The following RASGRF2 variants were observed in gnomAD, a reference collection of about 807,000 sequenced individuals.
The protein encoded by RASGRF2 is ras-specific guanine nucleotide-releasing factor 2.
In RASGRF2, 76 loss-of-function variants were observed where a neutral mutation model predicts 151.0. The observed-to-expected ratio is 0.50, with a 90% confidence interval of 0.42 to 0.61. RASGRF2 has a LOEUF of 0.61. Among genes scored for constraint, RASGRF2 ranks in the 20% least tolerant of loss-of-function variants. The pLI, the probability that RASGRF2 is intolerant of heterozygous loss-of-function variation, is 0.00. For missense variants in RASGRF2, 1,148 were observed against 1,564.6 expected, an observed-to-expected ratio of 0.73 and a Z score of 4.49; for synonymous variants, 504 against 566.5, an observed-to-expected ratio of 0.89 and a Z score of 1.57.
chr5:81,108,834 CTGTG>C (rs10606038), intron 12 of RASGRF2, among the ~76,000 whole-genome samples, 158 bp from the exon 13 acceptor site: 42,275 of 139,234 alleles, frequency 0.3, 5,915 homozygotes, highest in East Asian at 0.51. Flanking sequence ...TTTACCTACT[CTGTG>C]TGTGTGTGTG....
Position 81,113,703 on chromosome 5 carries a change from G to A in RASGRF2, c.2253G>A (p.Leu751=), listed in dbSNP as rs1288386368. 1 of 1,613,550 alleles carries A rather than the reference G, an allele frequency of 6.2e-7. No individual in the cohort carries two copies. The highest frequency in any genetic ancestry group is 2.2e-5 in the East Asian group (1 of 44,872). ...GAAAGCTGTCTTTGACTTCTCCCTT[G>A]AACTCAAAGATAGGAGCATTGGACC... ...RARKLSLTSP[L]NSKIGALDLT... Residue 751 remains leucine (L), a synonymous_variant, in exon 15 of 27, where the codon TTG becomes TTA. Coordinates refer to ENST00000265080, the MANE Select transcript of RASGRF2 (RefSeq NM_006909.3).
At position 81,034,676 on chromosome 5, in the gene RASGRF2, A is replaced by G. The variant is rs1031291421; in HGVS notation, c.289-8201A>G. On this transcript the variant is annotated intron_variant, in intron 1 of 26. Coordinates refer to ENST00000265080, the MANE Select transcript of RASGRF2 (RefSeq NM_006909.3). ...GACATGGATGAAATTGGAAATCATCATTCTCAGTAAACTATCGCAAGAACA... is the reference window on the plus strand; with the variant it reads ...GACATGGATGAAATTGGAAATCATCGTTCTCAGTAAACTATCGCAAGAACA... Among the ~76,000 whole-genome samples the G allele has an allele frequency of 4.0e-5, 6 of 151,562 alleles. No homozygotes were observed. The East Asian group carries it at 7.7e-4, about 19-fold the overall frequency.
In RASGRF2 at chr5:81,102,559, G is replaced by A. The variant is rs185753750; in HGVS notation, c.1756-6437G>A. On this transcript the variant is annotated intron_variant, in intron 12 of 26. Coordinates refer to ENST00000265080, the MANE Select transcript of RASGRF2 (RefSeq NM_006909.3). ...AATGTATGAAAATTAGCCAGGCGTG[G>A]CGGCACATGCCTGTAGTCCCAGCTA... Among the ~76,000 whole-genome samples, 672 of 152,170 alleles carry A rather than the reference G, an allele frequency of 4.4e-3. 12 individuals carry two copies. Among genetic ancestry groups the A allele is most frequent in the Admixed American group, 0.037 (564 of 15,278 alleles).
chr5:80,996,503 TCCTCCTCCTCCTCCTCCC>T (rs1374461750), intron 1 of RASGRF2, among the ~76,000 whole-genome samples: 221 of 39,568 alleles, frequency 5.6e-3, no homozygotes, highest in Middle Eastern at 0.018. Context: ...TTCTTCTTCT[TCCTCCTCCTCCTCCTCCC>T]CCTCCTCCTC....
chr5:81,089,739 T>C (rs1396785713), intron 9 of RASGRF2, among the ~76,000 whole-genome samples: 1 of 152,218 alleles, frequency 6.6e-6, no homozygotes, highest in African/African-American at 2.4e-5. Flanking sequence ...GGCAATTTAC[T>C]TAACTTCTCT....
At chr5:81,097,256 C>T (rs1043290058) in intron 12 of RASGRF2, among the ~76,000 whole-genome samples, 5 of 152,136 alleles carry the variant, frequency 3.3e-5, no homozygotes, top group African/African-American at 1.2e-4. Context: ...CCACTGCACT[C>T]GGCCAAGTTA....
At chr5:81,011,941 A>T (rs1043821256) in intron 1 of RASGRF2, among the ~76,000 whole-genome samples, 2 of 152,136 alleles carry the variant, frequency 1.3e-5, no homozygotes, top group African/African-American at 4.8e-5. Context: ...ATTGCTCAAA[A>T]TCTTGCTTTT....
chr5:81,101,515 G>A (rs981595166), intron 12 of RASGRF2, among the ~76,000 whole-genome samples: 5 of 151,932 alleles, frequency 3.3e-5, no homozygotes, highest in African/African-American at 1.2e-4. Flanking sequence ...GAAGCCTGGG[G>A]ATGTCCCTAA....
chr5:81,010,669 G>C (rs1047097544), intron 1 of RASGRF2, among the ~76,000 whole-genome samples: 2 of 152,178 alleles, frequency 1.3e-5, no homozygotes, highest in Non-Finnish European at 2.9e-5. Context: ...AAGTCTGACA[G>C]CTGTAAGCTT....
intron 2 of RASGRF2, among the ~76,000 whole-genome samples, chr5:81,059,069 A>G (rs762748061): frequency 6.6e-6 from 1 of 152,070 alleles, no homozygotes; most frequent in Non-Finnish European, 1.5e-5. Context: ...TCATCAGAAC[A>G]GCCAGTGGGA....
At chr5:81,057,751 T>G (rs1368429848) in intron 2 of RASGRF2, among the ~76,000 whole-genome samples, 2 of 152,062 alleles carry the variant, frequency 1.3e-5, no homozygotes, top group Non-Finnish European at 2.9e-5. Context: ...TCCAAGCACT[T>G]TGGGAAGCCG....
chr5:80,969,518 G>C (rs1465677047), intron 1 of RASGRF2, among the ~76,000 whole-genome samples: 1 of 149,502 alleles, frequency 6.7e-6, no homozygotes, highest in South Asian at 2.1e-4. Flanking sequence ...GCGCGATCTT[G>C]GCTCACTGCA....
chr5:81,034,646 G>T (rs1161307363), intron 1 of RASGRF2, among the ~76,000 whole-genome samples: 2 of 151,580 alleles, frequency 1.3e-5, no homozygotes, highest in Non-Finnish European at 2.9e-5. Flanking sequence ...CATGTCCTTT[G>T]TAGGGACATG....
At chr5:81,007,870 G>A (rs1439098621) in intron 1 of RASGRF2, among the ~76,000 whole-genome samples, 1 of 152,070 alleles carries the variant, frequency 6.6e-6, no homozygotes, top group Non-Finnish European at 1.5e-5. Flanking sequence ...CATTTGGGAG[G>A]GGGTGAACTG....
intron 17 of RASGRF2, among the ~76,000 whole-genome samples, chr5:81,146,174 A>AT (rs1754000897): frequency 6.6e-6 from 1 of 152,042 alleles, no homozygotes; most frequent in Non-Finnish European, 1.5e-5. Flanking sequence ...GAATAGACTC[A>AT]TTTTTCTCTG....
chr5:81,080,832 T>G (rs889327574), intron 7 of RASGRF2, 43 bp downstream of exon 7: 29 of 1,565,028 alleles, frequency 1.9e-5, no homozygotes, highest in Non-Finnish European at 2.5e-5. Context: ...AGTTTCCAGC[T>G]CAATGTCACT....
At chr5:81,144,221 G>A (rs1183897071) in intron 17 of RASGRF2, among the ~76,000 whole-genome samples, 1 of 152,222 alleles carries the variant, frequency 6.6e-6, no homozygotes, top group Admixed American at 6.5e-5. Context: ...AAATGTGGTA[G>A]TCAAAGTAAT....
intron 18 of RASGRF2, among the ~76,000 whole-genome samples, chr5:81,194,634 G>C (rs1029622620): frequency 1.3e-5 from 2 of 152,130 alleles, no homozygotes; most frequent in Non-Finnish European, 2.9e-5. Flanking sequence ...TCCATCCCTT[G>C]ACAGTTTTTG....
At chr5:81,097,932 C>A (rs570439242) in intron 12 of RASGRF2, among the ~76,000 whole-genome samples, 2 of 152,268 alleles carry the variant, frequency 1.3e-5, no homozygotes, top group East Asian at 1.9e-4. Flanking sequence ...TCTTAGGTTT[C>A]GAAAGGATTG....
Sources: allele counts gnomAD v4.1 joint callset (sites outside exome capture counted in the v4.1 genomes callset), GRCh38; gene constraint gnomAD v4.1.1; transcripts MANE v1.5; gene names NCBI Gene and HGNC (gene_info 2026-07-23, HGNC 2026-07-21).